The following ACAN variants were observed in gnomAD, a reference collection of about 807,000 sequenced individuals.
ACAN encodes aggrecan core protein.
ACAN carries 47 observed loss-of-function variants against 169.1 expected under a neutral mutation model. The ratio of observed to expected loss-of-function variants is 0.28; its 90% CI spans 0.22 to 0.35. ACAN has a LOEUF of 0.35. ACAN is among the 10% of genes least tolerant of loss of function. The probability of loss-of-function intolerance (pLI) is 1.00; values close to 1 mark genes in which losing one functional copy is unlikely to be tolerated. For synonymous variants in ACAN, 1,115 were observed against 1,112.2 expected, an observed-to-expected ratio of 1.00 and a Z score of -0.05; for missense variants, 2,716 against 2,759.9, an observed-to-expected ratio of 0.98 and a Z score of 0.36.
rs1596145795 is a variant in ACAN, at chr15:88,856,988, G to T, written c.4403G>T (p.Ser1468Ile). 6.2e-7 allele frequency: 1 copy of T among 1,613,526 alleles called. No homozygotes were observed. Among genetic ancestry groups the T allele is most frequent in the East Asian group, 2.2e-5 (1 of 44,824 alleles). ...TCTACCTCTGCGGTAGGGGACCTCAGTGGACTTCCTTCTGGAGGAGAAGTT... is the reference window on the plus strand; with the variant it reads ...TCTACCTCTGCGGTAGGGGACCTCATTGGACTTCCTTCTGGAGGAGAAGTT... ...ETSTSAVGDLSGLPSGGEVLE... is the reference protein window; with the variant it reads ...ETSTSAVGDLIGLPSGGEVLE... The change falls in exon 12 of 19, where the codon AGT becomes ATT. Residue 1468 changes from serine (S) to isoleucine (I), a missense_variant. Transcript: ENST00000560601.
intron 1 of ACAN, among the ~76,000 whole-genome samples, chr15:88,812,968 T>C (rs775519412): frequency 3.9e-5 from 6 of 152,172 alleles, no homozygotes; most frequent in South Asian, 2.1e-4. Flanking sequence ...CAACAGGCTT[T>C]GTAGGTGAAA....
At position 88,839,807 on chromosome 15, in the gene ACAN, A is replaced by G. The variant is rs968336247; in HGVS notation, c.455-205A>G. Reference sequence around the variant, plus strand: ...ATAAGTCTTTAAAAAGGAATGCCTTATAAAGTAGTGAGCTCCCCATTACAG... The same window carrying G: ...ATAAGTCTTTAAAAAGGAATGCCTTGTAAAGTAGTGAGCTCCCCATTACAG... On this transcript the variant is annotated intron_variant, in intron 3 of 18. Transcript: ENST00000560601. This position sits in a 1 kb window ranked among gnomAD's most constrained non-coding sequence, Gnocchi z 4.5. Among the ~76,000 whole-genome samples the G allele has an allele frequency of 2.0e-5, 3 of 152,250 alleles. No homozygotes were observed. The highest frequency in any genetic ancestry group is 2.0e-4 in the Admixed American group (3 of 15,286).
At chr15:88,806,209 C>CT (rs1895678318) in intron 1 of ACAN, among the ~76,000 whole-genome samples, 1 of 152,236 alleles carries the variant, frequency 6.6e-6, no homozygotes, top group Non-Finnish European at 1.5e-5. Context: ...TTGTCCAGCT[C>CT]TCAGCAAGCA....
chr15:88,872,138 G>C lies in ACAN; in HGVS notation c.7302+53G>C. On this transcript the variant is annotated intron_variant, in intron 16 of 18. Coordinates refer to ENST00000560601, the MANE Select transcript of ACAN (RefSeq NM_001369268.1). The surrounding 1 kb of genome is among the most constrained non-coding windows in gnomAD (Gnocchi z 5.4). ...GGCCCAGGGGACAGGGAGTGGGATAGAGACCCCTGGAGAGAGATGCATTCA... is the reference window on the plus strand; with the variant it reads ...GGCCCAGGGGACAGGGAGTGGGATACAGACCCCTGGAGAGAGATGCATTCA... 1 of 1,472,434 alleles carries C rather than the reference G, an allele frequency of 6.8e-7. No individual in the cohort carries two copies. Among genetic ancestry groups the C allele is most frequent in the Non-Finnish European group, 9.5e-7 (1 of 1,051,940 alleles). 91.2% of individuals were successfully genotyped at this position (1,472,434 alleles called of 1,614,324 possible). A position where few individuals can be genotyped will look rare whatever the true frequency, so the allele number is the denominator to read the frequency against.
chr15:88,850,224 TC>T lies in ACAN; in HGVS notation c.2026+494del, dbSNP rs552639444. The T allele has an allele frequency of 1.3e-4, 28 of 216,278 alleles. No homozygotes were observed. The East Asian group carries it at 2.5e-3, about 20-fold the overall frequency. 13.4% of individuals were successfully genotyped at this position (216,278 alleles called of 1,614,324 possible). On this transcript the variant is annotated intron_variant, in intron 10 of 18. Coordinates refer to ENST00000560601, the MANE Select transcript of ACAN (RefSeq NM_001369268.1). The stretch of plus-strand genomic sequence containing the variant: ...ACAACCTGTAATTTGTACACTCTTG[TC>T]AAATTCTCTCCTGCTTGCAAATATT...
chr15:88,808,555 A>G (rs1322161204), intron 1 of ACAN, among the ~76,000 whole-genome samples: 3 of 152,052 alleles, frequency 2.0e-5, no homozygotes, highest in African/African-American at 4.8e-5. Flanking sequence ...ACCTGGGGCT[A>G]TTTTGCCCTC....
rs144563002 is a variant in ACAN at position 88,840,352 on chromosome 15, T to G, written c.629+166T>G. Among the ~76,000 whole-genome samples the G allele has an allele frequency of 3.6e-3, 542 of 152,304 alleles. 1 individual carries two copies. The highest frequency in any genetic ancestry group is 0.012 in the African/African-American group (491 of 41,560). On this transcript the variant is annotated intron_variant, in intron 4 of 18. Coordinates refer to ENST00000560601, the MANE Select transcript of ACAN (RefSeq NM_001369268.1). ...ACACCTTGGCCAAACAGCAGCTCAA[T>G]GACCCATCCCAAACCCTTGTTATTG... is the stretch of plus-strand genomic sequence containing the variant.
intron 1 of ACAN, among the ~76,000 whole-genome samples, chr15:88,827,598 G>A (rs1208471629): frequency 1.3e-5 from 2 of 152,152 alleles, no homozygotes; most frequent in Non-Finnish European, 2.9e-5. Context: ...TAGTTGGGTG[G>A]CTACTTTGTG....
At chr15:88,836,382 C>A in intron 2 of ACAN, 106 bp downstream of exon 2, 1 of 1,050,240 alleles carries the variant, frequency 9.5e-7, no homozygotes, top group South Asian at 1.4e-5. Context: ...TATAATTTCC[C>A]CTTTCCTGGA....
Position 88,838,078 on chromosome 15 carries a change from G to T in ACAN, c.71-585G>T, listed in dbSNP as rs112618796. 0.018 allele frequency among the ~76,000 whole-genome samples: 2,689 copies of T among 151,836 alleles called. 72 individuals carry two copies. Among genetic ancestry groups the T allele is most frequent in the African/African-American group, 0.056 (2,307 of 41,356 alleles). On this transcript the variant is annotated intron_variant, in intron 2 of 18. Coordinates refer to ENST00000560601, the MANE Select transcript of ACAN (RefSeq NM_001369268.1). This position sits in a 1 kb window ranked among gnomAD's most constrained non-coding sequence, Gnocchi z 5.1. ...GCATCTGACTGTTTGCACACCAAAA[G>T]GTCTGATCTTCTCGGATGCTTCTCC...
intron 10 of ACAN, chr15:88,850,958 A>C (rs1484035552): frequency 1.3e-5 from 2 of 152,232 alleles, no homozygotes; most frequent in Admixed American, 1.3e-4. Context: ...AAAAAAAAAA[A>C]AAATTCAAAG....
chr15:88,813,755 G>A (rs181901303), intron 1 of ACAN, among the ~76,000 whole-genome samples: 2 of 152,286 alleles, frequency 1.3e-5, no homozygotes, highest in East Asian at 3.9e-4. Flanking sequence ...GTGGGGCTAG[G>A]ATGGAGAATA....
chr15:88,826,745 G>A (rs540751924), intron 1 of ACAN, among the ~76,000 whole-genome samples: 14 of 152,138 alleles, frequency 9.2e-5, no homozygotes, highest in South Asian at 6.2e-4. Context: ...AAAACTTTCC[G>A]GATCTGAAAT....
chr15:88,863,893 T>C (rs1176116407), intron 13 of ACAN, among the ~76,000 whole-genome samples: 1 of 152,250 alleles, frequency 6.6e-6, no homozygotes, highest in East Asian at 1.9e-4. Context: ...AGGATATTGT[T>C]GGGCACAGTG....
At chr15:88,817,849 GAAAAAAAAA>G (rs10710630) in intron 1 of ACAN, among the ~76,000 whole-genome samples, 2 of 73,406 alleles carry the variant, frequency 2.7e-5, no homozygotes, top group Non-Finnish European at 5.2e-5. Context: ...GTGAGACTCT[GAAAAAAAAA>G]AAAAAAAAAA....
chr15:88,852,114 G>A, intron 11 of ACAN, 81 bp downstream of exon 11: 1 of 1,501,470 alleles, frequency 6.7e-7, no homozygotes, highest in South Asian at 1.3e-5. Flanking sequence ...GGGGCGGGGG[G>A]GTTCCCTCCC....
intron 1 of ACAN, among the ~76,000 whole-genome samples, chr15:88,833,798 C>G (rs1443639128): frequency 1.4e-5 from 2 of 144,340 alleles, no homozygotes; most frequent in Non-Finnish European, 3.0e-5. Context: ...AGAAATCAAG[C>G]CGTCCAAGCC....
In ACAN at chr15:88,872,234, T is replaced by C; in HGVS notation, c.7302+149T>C. On this transcript the variant is annotated intron_variant, in intron 16 of 18. Transcript: ENST00000560601. The surrounding 1 kb of genome is among the most constrained non-coding windows in gnomAD (Gnocchi z 5.4). ...TTGAGGGCAGGGATTATCTCCTTCA[T>C]CTCTGCCTCTGGAACCCAGCCCGGG... The C allele has an allele frequency of 1.5e-6, 1 of 677,312 alleles. No homozygotes were observed. The highest frequency in any genetic ancestry group is 2.6e-6 in the Non-Finnish European group (1 of 391,732). The allele number at this position is 677,312 out of a possible 1,614,324, so 42.0% of individuals were successfully genotyped here. A position where few individuals can be genotyped will look rare whatever the true frequency, so the allele number is the denominator to read the frequency against.
At chr15:88,867,284 A>G (rs908531471) in intron 13 of ACAN, among the ~76,000 whole-genome samples, 3 of 152,338 alleles carry the variant, frequency 2.0e-5, no homozygotes, top group African/African-American at 7.2e-5. Flanking sequence ...ATCAGAAAGG[A>G]TATCTCAGGA....
Sources: allele counts gnomAD v4.1 joint callset (sites outside exome capture counted in the v4.1 genomes callset), GRCh38; gene constraint gnomAD v4.1.1; non-coding constraint Gnocchi (gnomAD v3.1); transcripts MANE v1.5; gene names NCBI Gene and HGNC (gene_info 2026-07-23, HGNC 2026-07-21).